The following SORL1 variants were observed in gnomAD, a reference collection of about 807,000 sequenced individuals.
The protein encoded by SORL1 is sortilin related receptor 1.
A neutral mutation model predicts 273.7 loss-of-function variants in SORL1; 127 were observed. That is an observed-to-expected ratio of 0.46 (90% CI 0.40 to 0.54). The LOEUF (loss-of-function observed/expected upper bound fraction) is 0.54, where lower values mean the gene tolerates loss of function less well. SORL1 is among the 20% of genes least tolerant of loss of function. The pLI, the probability that SORL1 is intolerant of heterozygous loss-of-function variation, is 0.00. For missense variants in SORL1, 2,494 were observed against 2,846.1 expected (o/e 0.88, Z 2.81); for synonymous variants, 1,031 against 1,067.4 (o/e 0.97, Z 0.66).
chr11:121,594,726 G>C (rs1392995406), intron 31 of SORL1, among the ~76,000 whole-genome samples: 1 of 152,102 alleles, frequency 6.6e-6, no homozygotes, highest in Non-Finnish European at 1.5e-5. Context: ...TGCCTTTCAT[G>C]TCAAAGCCTT....
At chr11:121,475,851 AATTCATTCTTTTCT>A in intron 2 of SORL1, among the ~76,000 whole-genome samples, 1 of 152,262 alleles carries the variant, frequency 6.6e-6, no homozygotes, top group East Asian at 1.9e-4. Context: ...TGATTCATTC[AATTCATTCTTTTCT>A]ATTCATTTAT....
chr11:121,458,472 T>G (rs1378039127), intron 1 of SORL1, among the ~76,000 whole-genome samples: 1 of 152,200 alleles, frequency 6.6e-6, no homozygotes, highest in Non-Finnish European at 1.5e-5. Context: ...ACTGCATTTT[T>G]GGTTTGAATA....
Position 121,554,196 on chromosome 11 carries a change from T to G in SORL1, c.2439+87T>G. The G allele has an allele frequency of 8.1e-7, 1 of 1,230,834 alleles. No homozygotes were observed. Among genetic ancestry groups the G allele is most frequent in the Non-Finnish European group, 1.1e-6 (1 of 878,020 alleles). 76.2% of individuals were successfully genotyped at this position (1,230,834 alleles called of 1,614,324 possible). On this transcript the variant is annotated intron_variant, in intron 17 of 47. Coordinates refer to ENST00000260197, the MANE Select transcript of SORL1 (RefSeq NM_003105.6). The surrounding 1 kb of genome is among the most constrained non-coding windows in gnomAD (Gnocchi z 4.6). ...CTGCATGCAGAATGGCCTATGGAAATGGGCAGTTAGAAGTTTGTAAGTGTT... is the reference window on the plus strand; with the variant it reads ...CTGCATGCAGAATGGCCTATGGAAAGGGGCAGTTAGAAGTTTGTAAGTGTT...
chr11:121,606,955 A>G lies in SORL1; in HGVS notation c.5059A>G (p.Ile1687Val), dbSNP rs777019417. The G allele has an allele frequency of 1.3e-5, 21 of 1,604,526 alleles. No individual in the cohort carries two copies. The East Asian group carries it at 3.6e-4, about 27-fold the overall frequency. The change falls in exon 36 of 48, where the codon ATT becomes GTT. Residue 1687 changes from isoleucine (I) to valine (V), a missense_variant and splice_region_variant. Ile to Val is a conservative substitution (Grantham distance 29, BLOSUM62 3). Coordinates refer to ENST00000260197, the MANE Select transcript of SORL1 (RefSeq NM_003105.6). ...CACCCATGGCCTCATCCGTGAGTAC[A>G]TTGTAAGTACCTTCCATGAGTTGGC... The part of the protein sequence containing the change: ...IHTHGLIREY[I>V]VEYSRSGSKM...
chr11:121,532,939 C>T (rs1199963470), intron 12 of SORL1, among the ~76,000 whole-genome samples: 1 of 152,106 alleles, frequency 6.6e-6, no homozygotes, highest in Non-Finnish European at 1.5e-5. Context: ...CTGCTTCGGC[C>T]TCCCAAAATG....
intron 44 of SORL1, among the ~76,000 whole-genome samples, chr11:121,621,896 A>G (rs1453019461): frequency 6.6e-6 from 1 of 152,044 alleles, no homozygotes; most frequent in Non-Finnish European, 1.5e-5. Context: ...ACCCAACCCC[A>G]TTTGTTTTTG....
At chr11:121,598,971 C>T (rs1037601357) in intron 32 of SORL1, among the ~76,000 whole-genome samples, 9 of 151,800 alleles carry the variant, frequency 5.9e-5, no homozygotes, top group Admixed American at 6.6e-5. Context: ...CAAGAAACAC[C>T]CTTTGAGTCT....
At chr11:121,518,235 C>T (rs1002550886) in intron 8 of SORL1, among the ~76,000 whole-genome samples, 1 of 152,206 alleles carries the variant, frequency 6.6e-6, no homozygotes, top group African/African-American at 2.4e-5. Context: ...TCCTGGTAAG[C>T]CTTGGCCCAG....
intron 38 of SORL1, chr11:121,610,760 G>T: frequency 4.4e-6 from 1 of 226,072 alleles, no homozygotes; most frequent in Non-Finnish European, 8.7e-6. Context: ...CGCAGTGAAT[G>T]ATCCCTGTTC....
chr11:121,562,527 T>A (rs924023954), intron 21 of SORL1, among the ~76,000 whole-genome samples: 7 of 152,204 alleles, frequency 4.6e-5, no homozygotes, highest in Non-Finnish European at 1.0e-4. Context: ...GGGATGTGAA[T>A]CCTCCCTTTG....
Position 121,560,093 on chromosome 11 carries a change from G to C in SORL1, c.3049+436G>C, listed in dbSNP as rs140500754. Among the ~76,000 whole-genome samples, 36 of 152,330 alleles carry C rather than the reference G, an allele frequency of 2.4e-4. 1 individual carries two copies. In the East Asian group the frequency reaches 4.2e-3, roughly 18 times the overall value. On this transcript the variant is annotated intron_variant, in intron 21 of 47. Coordinates refer to ENST00000260197, the MANE Select transcript of SORL1 (RefSeq NM_003105.6). ...CCAGATGACCTATTGCTCATTGACC[G>C]TACCTACCTCTGCTGGAATGGCACT...
chr11:121,581,371 G>A (rs1863012955), intron 25 of SORL1, among the ~76,000 whole-genome samples: 1 of 152,166 alleles, frequency 6.6e-6, no homozygotes, highest in African/African-American at 2.4e-5. Context: ...CTGAGTCAAA[G>A]ATTAAGTTGT....
At chr11:121,486,239 A>T (rs1359827227) in intron 3 of SORL1, among the ~76,000 whole-genome samples, 1 of 152,132 alleles carries the variant, frequency 6.6e-6, no homozygotes, top group African/African-American at 2.4e-5. Flanking sequence ...AGCCTTCCTC[A>T]TTCTTCCAGG....
chr11:121,486,653 G>A (rs1004477009), intron 3 of SORL1, among the ~76,000 whole-genome samples: 56 of 151,796 alleles, frequency 3.7e-4, no homozygotes, highest in African/African-American at 9.4e-4. Flanking sequence ...CTAATTTTTC[G>A]TATTTTTAGT....
At chr11:121,624,537 G>T (rs926841765) in intron 45 of SORL1, among the ~76,000 whole-genome samples, 1 of 152,238 alleles carries the variant, frequency 6.6e-6, no homozygotes, top group South Asian at 2.1e-4. Context: ...AGGCCAGGTT[G>T]TTGGGGGGCT....
intron 5 of SORL1, among the ~76,000 whole-genome samples, chr11:121,495,933 T>G (rs1017450113): frequency 1.3e-5 from 2 of 152,154 alleles, no homozygotes; most frequent in Non-Finnish European, 2.9e-5. Flanking sequence ...CTCAGACAAA[T>G]ACATAATGGT....
chr11:121,504,393 C>G (rs1374525892), intron 6 of SORL1, among the ~76,000 whole-genome samples: 3 of 152,062 alleles, frequency 2.0e-5, no homozygotes, highest in African/African-American at 7.2e-5. Context: ...GCCTGGGCGA[C>G]AGAGCGAGAC....
At chr11:121,621,789 C>T (rs1466883354) in intron 44 of SORL1, among the ~76,000 whole-genome samples, 1 of 152,192 alleles carries the variant, frequency 6.6e-6, no homozygotes, top group Non-Finnish European at 1.5e-5. Flanking sequence ...ATGCTGGTGG[C>T]GTGCAGTGGG....
intron 9 of SORL1, 120 bp downstream of exon 9, chr11:121,520,969 A>G (rs1862033392): frequency 1.6e-6 from 1 of 618,604 alleles, no homozygotes; most frequent in East Asian, 3.2e-5. Context: ...TTCTATTAAT[A>G]TCACATGGAG....
Sources: allele counts gnomAD v4.1 joint callset (sites outside exome capture counted in the v4.1 genomes callset), GRCh38; gene constraint gnomAD v4.1.1; non-coding constraint Gnocchi (gnomAD v3.1); transcripts MANE v1.5; gene names NCBI Gene and HGNC (gene_info 2026-07-23, HGNC 2026-07-21).